PRRC2B: variants seen among roughly 807,000 people sequenced by gnomAD.
The protein encoded by PRRC2B is proline rich coiled-coil 2B, also known as protein PRRC2B.
A neutral mutation model predicts 242.3 loss-of-function variants in PRRC2B; 68 were observed. The ratio of observed to expected loss-of-function variants is 0.28; its 90% CI spans 0.23 to 0.34. PRRC2B has a LOEUF of 0.34. Among genes scored for constraint, PRRC2B ranks in the 10% least tolerant of loss-of-function variants. The probability of loss-of-function intolerance (pLI) is 1.00; values close to 1 mark genes in which losing one functional copy is unlikely to be tolerated. For missense variants in PRRC2B, 2,835 were observed against 2,954.8 expected (o/e 0.96, Z 0.94); for synonymous variants, 1,228 against 1,173.6 (o/e 1.05, Z -0.95).
Position 131,487,036 on chromosome 9 carries a change from T to G in PRRC2B, c.5857-131T>G. 1 of 770,428 alleles carries G rather than the reference T, an allele frequency of 1.3e-6. No individual in the cohort carries two copies. Among genetic ancestry groups the G allele is most frequent in the Non-Finnish European group, 2.2e-6 (1 of 460,682 alleles). 47.7% of individuals were successfully genotyped at this position (770,428 alleles called of 1,614,324 possible). Reference sequence around the variant, plus strand: ...CCCAATAGCAAGGGAAGCCCAGGAATGACATGCTGGCATTTGAATTTTGGG... The same window carrying G: ...CCCAATAGCAAGGGAAGCCCAGGAAGGACATGCTGGCATTTGAATTTTGGG... On this transcript the variant is annotated intron_variant, in intron 26 of 31. Coordinates refer to ENST00000683519, the MANE Select transcript of PRRC2B (RefSeq NM_013318.4). This position sits in a 1 kb window ranked among gnomAD's most constrained non-coding sequence, Gnocchi z 5.3.
At chr9:131,485,963 C>G (rs1218458158) in intron 25 of PRRC2B, 122 bp from the exon 26 acceptor site, 1 of 744,914 alleles carries the variant, frequency 1.3e-6, no homozygotes, top group African/African-American at 1.7e-5. Context: ...CCTCTGTACA[C>G]ACGCCCTCGT....
Position 131,475,450 on chromosome 9 carries a change from C to T in PRRC2B, c.3321C>T (p.Gly1107=), listed in dbSNP as rs201268413. Residue 1107 remains glycine, a synonymous_variant, in exon 16 of 32, where the codon GGC becomes GGT. Transcript: ENST00000683519. ...RSIYCSSQRS[G]RGRGLREFAR... ...TCTACTGCAGCAGTCAGCGCAGCGG[C>T]CGTGGCCGGGGCCTGCGAGAGTTTG... 2,866 of 1,582,950 alleles carry T rather than the reference C, an allele frequency of 1.8e-3. 6 individuals carry two copies. Among genetic ancestry groups the T allele is most frequent in the Non-Finnish European group, 2.2e-3 (2,591 of 1,164,202 alleles).
In PRRC2B at chr9:131,436,581, C is replaced by G. The variant is rs1564283564; in HGVS notation, c.294-39C>G. The G allele has an allele frequency of 3.2e-6, 5 of 1,549,260 alleles. No homozygotes were observed. In the South Asian group the frequency reaches 5.7e-5, roughly 18 times the overall value. On this transcript the variant is annotated intron_variant, in intron 3 of 31. Transcript: ENST00000683519. ...AACGCAGAGACCTGGCCAGCGCACT[C>G]TGTGCGGTGCCTGACCCCACTGCCC...
chr9:131,427,296 C>T (rs1199756691), intron 1 of PRRC2B, among the ~76,000 whole-genome samples: 1 of 152,086 alleles, frequency 6.6e-6, no homozygotes, highest in Non-Finnish European at 1.5e-5. Flanking sequence ...TCGATTTTCA[C>T]TCCCTATGTT....
intron 5 of PRRC2B, among the ~76,000 whole-genome samples, chr9:131,441,093 C>T (rs1016213129): frequency 6.6e-6 from 1 of 152,076 alleles, no homozygotes; most frequent in African/African-American, 2.4e-5. Flanking sequence ...CAGAGCAAGA[C>T]CCTATCTTAA....
Position 131,465,049 on chromosome 9 carries a change from C to G in PRRC2B, c.1691C>G (p.Pro564Arg). Residue 564 changes from proline (P) to arginine (R), a missense_variant, in exon 12 of 32, where the codon CCC becomes CGC. Pro to Arg is a moderately radical substitution (Grantham distance 103). This residue lies in a region of PRRC2B where 1,536 missense variants were observed against 1,483.1 expected (regional missense o/e 1.04). Coordinates refer to ENST00000683519, the MANE Select transcript of PRRC2B (RefSeq NM_013318.4). Reference sequence around the variant, plus strand: ...TCTCCAAGTGCTGAGAAGGCATCTCCCCAGGAAAACGGCCCTGCTGTCCAC... The same window carrying G: ...TCTCCAAGTGCTGAGAAGGCATCTCGCCAGGAAAACGGCCCTGCTGTCCAC... ...PWSPSAEKAS[P>R]QENGPAVHKG... 1 of 1,613,722 alleles carries G rather than the reference C, an allele frequency of 6.2e-7. No individual in the cohort carries two copies. The highest frequency in any genetic ancestry group is 8.5e-7 in the Non-Finnish European group (1 of 1,179,710).
intron 1 of PRRC2B, among the ~76,000 whole-genome samples, chr9:131,429,398 C>G (rs1412653597): frequency 6.6e-6 from 1 of 152,206 alleles, no homozygotes; most frequent in African/African-American, 2.4e-5. Flanking sequence ...AAGGTTGTCT[C>G]TTCAAAGGGG....
At chr9:131,453,398 TTTTAA>T (rs1174563332) in intron 9 of PRRC2B, among the ~76,000 whole-genome samples, 2 of 152,196 alleles carry the variant, frequency 1.3e-5, no homozygotes, top group Non-Finnish European at 2.9e-5. Context: ...ATTTTTTTAA[TTTTAA>T]TTTAATTTAT....
intron 14 of PRRC2B, among the ~76,000 whole-genome samples, chr9:131,472,494 T>TTTTTA (rs1564294961): frequency 1.4e-5 from 2 of 146,660 alleles, no homozygotes; most frequent in African/African-American, 5.1e-5. Flanking sequence ...TTTTTTTTTT[T>TTTTTA]GAGACAGAGT....
rs1416821195 is a variant in PRRC2B at position 131,397,117 on chromosome 9, T to G, written c.-52+2854T>G. ...GCTTCCTGCCTCTTGGCCCTTCCTT[T>G]TTGTCTGACTTCACTCGGGCCCAGT... On this transcript the variant is annotated intron_variant, in intron 1 of 31. Transcript: ENST00000683519. Among the ~76,000 whole-genome samples the G allele has an allele frequency of 3.3e-5, 5 of 152,346 alleles. 1 individual carries two copies. In the South Asian group the frequency reaches 1.0e-3, roughly 32 times the overall value.
At chr9:131,471,667 G>T (rs923179127) in intron 14 of PRRC2B, among the ~76,000 whole-genome samples, 1 of 152,188 alleles carries the variant, frequency 6.6e-6, no homozygotes, top group South Asian at 2.1e-4. Context: ...TCCATAAAAC[G>T]TTACTTGTAA....
chr9:131,397,117 T>C (rs1416821195), intron 1 of PRRC2B, among the ~76,000 whole-genome samples: 1 of 152,228 alleles, frequency 6.6e-6, no homozygotes, highest in Non-Finnish European at 1.5e-5. Context: ...GCCCTTCCTT[T>C]TTGTCTGACT....
In PRRC2B at chr9:131,464,905, G is replaced by A. The variant is rs201114255; in HGVS notation, c.1547G>A (p.Arg516Gln). The change falls in exon 12 of 32, where the codon CGA becomes CAA. Residue 516 changes from arginine (R) to glutamine (Q), a missense_variant. Around this residue, in one of 7 missense-constraint regions of PRRC2B, gnomAD observed 626 missense variants for 685.5 expected, o/e 0.91. Transcript: ENST00000683519. Reference protein sequence around the residue: ...ARKRREEEERRAREERLAACA... With the variant: ...ARKRREEEERQAREERLAACA... ...AAGCGCCGGGAAGAAGAGGAGCGCCGAGCCCGGGAGGAGAGGCTGGCCGCC... is the reference window on the plus strand; with the variant it reads ...AAGCGCCGGGAAGAAGAGGAGCGCCAAGCCCGGGAGGAGAGGCTGGCCGCC... 22 of 1,613,804 alleles carry A rather than the reference G, an allele frequency of 1.4e-5. No individual in the cohort carries two copies. Among genetic ancestry groups the A allele is most frequent in the South Asian group, 2.2e-5 (2 of 91,060 alleles).
intron 29 of PRRC2B, 57 bp from the exon 30 acceptor site, chr9:131,492,112 T>C: frequency 7.5e-7 from 1 of 1,341,590 alleles, no homozygotes; most frequent in Non-Finnish European, 1.1e-6. Context: ...AGTAAGTGTG[T>C]GGTCCAGCTG....
Position 131,477,784 on chromosome 9 carries a change from A to G in PRRC2B, c.4447A>G (p.Ser1483Gly), listed in dbSNP as rs1298786166. The change falls in exon 17 of 32, where the codon AGC becomes GGC. Residue 1483 changes from serine (S) to glycine (G), a missense_variant. Coordinates refer to ENST00000683519, the MANE Select transcript of PRRC2B (RefSeq NM_013318.4). ...EALPGGLSGC[S>G]SGSGHSPYAL... ...CTTGCCTGGAGGTCTTAGTGGCTGC[A>G]GCAGTGGGAGTGGCCACTCCCCCTA... 6.2e-7 allele frequency: 1 copy of G among 1,610,220 alleles called. No individual in the cohort carries two copies. Among genetic ancestry groups the G allele is most frequent in the East Asian group, 2.2e-5 (1 of 44,862 alleles).
At chr9:131,484,840 C>T in intron 24 of PRRC2B, 50 bp downstream of exon 24, 3 of 1,568,052 alleles carry the variant, frequency 1.9e-6, no homozygotes, top group African/African-American at 1.4e-5. Flanking sequence ...CCTTAGCTTA[C>T]AAAGAGGCAG....
Position 131,483,387 on chromosome 9 carries a change from C to G in PRRC2B, c.5402C>G (p.Ser1801Cys), listed in dbSNP as rs2131465375. 1 of 1,613,946 alleles carries G rather than the reference C, an allele frequency of 6.2e-7. No homozygotes were observed. The highest frequency in any genetic ancestry group is 2.2e-5 in the East Asian group (1 of 44,878). ...KDSDFSLPPG[S>C]ASGPTGSPVV... is the part of the protein sequence containing the mutation. ...TCCGATTTCAGCTTGCCACCTGGTT[C>G]TGCCTCTGGTCCTACTGGGAGTCCA... The change falls in exon 23 of 32, where the codon TCT (serine) becomes TGT (cysteine). Residue 1801 changes from serine (S) to cysteine (C), a missense_variant. By Grantham distance (112) the Ser-to-Cys change is moderately radical. This residue lies in a region of PRRC2B where 574 missense variants were observed against 626.0 expected (regional missense o/e 0.92). Transcript: ENST00000683519.
In PRRC2B at chr9:131,455,010, C is replaced by T. The variant is rs375270576; in HGVS notation, c.1121-66C>T. On this transcript the variant is annotated intron_variant, in intron 9 of 31. Coordinates refer to ENST00000683519, the MANE Select transcript of PRRC2B (RefSeq NM_013318.4). ...GTACTGGGATTACAGGCATGAGCCA[C>T]CACGTCCGGCCACCACTGACTTTTT... 7.8e-5 allele frequency: 99 copies of T among 1,267,612 alleles called. No homozygotes were observed. In the African/African-American group the frequency reaches 1.2e-3, roughly 16 times the overall value. 78.5% of individuals were successfully genotyped at this position (1,267,612 alleles called of 1,614,324 possible). A position where few individuals can be genotyped will look rare whatever the true frequency, so the allele number is the denominator to read the frequency against.
At chr9:131,467,531 CTG>C (rs1227781084) in intron 12 of PRRC2B, 30 bp from the exon 13 acceptor site, 1 of 1,533,222 alleles carries the variant, frequency 6.5e-7, no homozygotes, top group Non-Finnish European at 8.8e-7. Context: ...TGTGAGCTCA[CTG>C]TGTCATTTCT....
Sources: allele counts gnomAD v4.1 joint callset (sites outside exome capture counted in the v4.1 genomes callset), GRCh38; gene constraint gnomAD v4.1.1; regional missense constraint gnomAD v4.1.1; non-coding constraint Gnocchi (gnomAD v3.1); transcripts MANE v1.5; gene names NCBI Gene and HGNC (gene_info 2026-07-23, HGNC 2026-07-21).